Variants in RBFOX1 observed in about 807,000 individuals in gnomAD.
RBFOX1 encodes the protein RNA binding fox-1 homolog 1, also known as RNA binding protein fox-1 homolog 1.
In RBFOX1, 8 loss-of-function variants were observed where a neutral mutation model predicts 57.7. That is an observed-to-expected ratio of 0.14 (90% CI 0.08 to 0.25). RBFOX1 has a LOEUF of 0.25. Among genes scored for constraint, RBFOX1 ranks in the 10% least tolerant of loss-of-function variants. RBFOX1 has a pLI of 1.00. For synonymous variants in RBFOX1, 326 were observed against 222.4 expected (o/e 1.47, Z -4.15); for missense variants, 611 against 548.5 (o/e 1.11, Z -1.14).
chr16:6,106,295 TA>T (rs1269272794), intron 1 of RBFOX1, among the ~76,000 whole-genome samples: 2 of 81,052 alleles, frequency 2.5e-5, no homozygotes, highest in Non-Finnish European at 4.8e-5. Context: ...CCATCTCTAG[TA>T]AAAATACAAA....
At chr16:6,695,998 T>G (rs562422993) in intron 3 of RBFOX1, among the ~76,000 whole-genome samples, 108 of 152,306 alleles carry the variant, frequency 7.1e-4, no homozygotes, top group Non-Finnish European at 1.4e-3. Context: ...CACACTGATC[T>G]GATTTCTACA....
intron 1 of RBFOX1, among the ~76,000 whole-genome samples, chr16:6,185,069 C>A (rs923428916): frequency 6.6e-6 from 1 of 152,154 alleles, no homozygotes; most frequent in Non-Finnish European, 1.5e-5. Flanking sequence ...GTCTGTAGAA[C>A]AAGGAAGAGG....
intron 3 of RBFOX1, among the ~76,000 whole-genome samples, chr16:5,843,777 G>A (rs2056685130): frequency 6.6e-6 from 1 of 152,170 alleles, no homozygotes; most frequent in Non-Finnish European, 1.5e-5. Flanking sequence ...TCAGAATATA[G>A]ATGCATCCTT....
At chr16:7,552,072 G>C (rs2086720488) in intron 5 of RBFOX1, among the ~76,000 whole-genome samples, 1 of 152,108 alleles carries the variant, frequency 6.6e-6, no homozygotes, top group Non-Finnish European at 1.5e-5. Flanking sequence ...GATTTTCATT[G>C]TCACGTGTGT....
intron 4 of RBFOX1, among the ~76,000 whole-genome samples, chr16:7,406,076 G>C (rs1046019073): frequency 6.6e-6 from 1 of 152,178 alleles, no homozygotes; most frequent in Non-Finnish European, 1.5e-5. Context: ...AAGGGAAGGG[G>C]AGAAACCCCA....
chr16:5,563,395 G>A (rs914367802), intron 2 of RBFOX1, among the ~76,000 whole-genome samples: 3 of 152,158 alleles, frequency 2.0e-5, no homozygotes, highest in Admixed American at 6.5e-5. Context: ...TTTGCTGATG[G>A]TATCGTTATC....
At chr16:5,467,140 C>T (rs2068976304) in intron 1 of RBFOX1, 10 of 1,362,620 alleles carry the variant, frequency 7.3e-6, no homozygotes, top group Non-Finnish European at 9.8e-6. Flanking sequence ...AAAACAAAGC[C>T]AAAGCAATTG....
Position 7,711,622 on chromosome 16 carries a change from G to C in RBFOX1, c.*877G>C, listed in dbSNP as rs970742374. On this transcript the variant is annotated 3_prime_UTR_variant, in exon 16 of 16. Coordinates refer to ENST00000550418, the MANE Select transcript of RBFOX1 (RefSeq NM_018723.4). ...ATTTTTTTCTTTTTTTCCAAAAAAA[G>C]AAAGTAATAAAAACTTAAATTCTTT... 4 of 152,002 alleles carry C rather than the reference G, an allele frequency of 2.6e-5. No homozygotes were observed. Among genetic ancestry groups the C allele is most frequent in the Admixed American group, 2.0e-4 (3 of 15,198 alleles). 9.4% of individuals were successfully genotyped at this position (152,002 alleles called of 1,614,324 possible).
chr16:6,474,042 G>A (rs1723061716), intron 2 of RBFOX1, among the ~76,000 whole-genome samples: 1 of 152,132 alleles, frequency 6.6e-6, no homozygotes, highest in Non-Finnish European at 1.5e-5. Flanking sequence ...TAGACAATAA[G>A]CTGGTTTCCT....
rs142375965 is a variant in RBFOX1 at position 5,813,662 on chromosome 16, G to A, written c.319-53641G>A. ...TTATATAACAGGGATCCTGTATCAG[G>A]TATGTGATTTGCAAATAGTTTATCT... On this transcript the variant is annotated intron_variant, in intron 3 of 19. Transcript: ENST00000641259. Among the ~76,000 whole-genome samples the A allele has an allele frequency of 5.3e-5, 8 of 152,192 alleles. No individual in the cohort carries two copies. The South Asian group carries it at 8.3e-4, about 16-fold the overall frequency.
intron 3 of RBFOX1, among the ~76,000 whole-genome samples, chr16:6,970,021 A>T (rs1016201746): frequency 8.6e-5 from 13 of 151,416 alleles, no homozygotes; most frequent in African/African-American, 1.7e-4. Context: ...GACCCCATTT[A>T]AAAAAAATTA....
chr16:6,028,503 C>G (rs993207279), intron 1 of RBFOX1, among the ~76,000 whole-genome samples: 53 of 94,382 alleles, frequency 5.6e-4, no homozygotes, highest in African/African-American at 2.1e-3. Flanking sequence ...GAGACCCTGT[C>G]TCTGTTAAAA....
chr16:5,750,244 C>T (rs1369125697), intron 3 of RBFOX1, among the ~76,000 whole-genome samples: 2 of 152,158 alleles, frequency 1.3e-5, no homozygotes, highest in Non-Finnish European at 2.9e-5. Context: ...CTCAGAGGGG[C>T]ACCCGACTGC....
At chr16:5,901,991 C>T (rs1399991310) in intron 4 of RBFOX1, among the ~76,000 whole-genome samples, 1 of 152,174 alleles carries the variant, frequency 6.6e-6, no homozygotes, top group African/African-American at 2.4e-5. Flanking sequence ...CCTGATACTA[C>T]CTGTAACTTC....
chr16:6,583,189 C>T (rs919943616), intron 2 of RBFOX1, among the ~76,000 whole-genome samples: 19 of 152,120 alleles, frequency 1.2e-4, no homozygotes, highest in African/African-American at 4.6e-4. Flanking sequence ...GCAAAAGGCC[C>T]AGGAGTAGTT....
intron 14 of RBFOX1, among the ~76,000 whole-genome samples, chr16:7,688,713 C>A (rs770607818): frequency 8.6e-5 from 13 of 152,000 alleles, no homozygotes; most frequent in Admixed American, 3.9e-4. Flanking sequence ...GATGGTTGAT[C>A]TATAAAACCA....
chr16:7,608,726 G>A (rs2056841120), intron 10 of RBFOX1, among the ~76,000 whole-genome samples: 1 of 152,148 alleles, frequency 6.6e-6, no homozygotes, highest in Non-Finnish European at 1.5e-5. Flanking sequence ...GGAGATGATA[G>A]TAACAAACTC....
chr16:6,186,657 T>C (rs1217572330), intron 1 of RBFOX1, among the ~76,000 whole-genome samples: 3 of 151,976 alleles, frequency 2.0e-5, no homozygotes, highest in African/African-American at 7.3e-5. Context: ...TATGGGTTAG[T>C]GTGAGGAAAG....
At position 5,426,412 on chromosome 16, in the gene RBFOX1, C is replaced by A. The variant is rs564388453; in HGVS notation, c.220-40804C>A. Among the ~76,000 whole-genome samples, 11 of 152,228 alleles carry A rather than the reference C, an allele frequency of 7.2e-5. No individual in the cohort carries two copies. The South Asian group carries it at 1.5e-3, about 20-fold the overall frequency. On this transcript the variant is annotated intron_variant, in intron 1 of 2. Coordinates refer to the RBFOX1 transcript ENST00000585867. The stretch of plus-strand genomic sequence containing the variant: ...AGATAAAAGCACCAATTCCATTGAA[C>A]CTAAAAGACTAAAACCGTACCCAGC...
Sources: allele counts gnomAD v4.1 joint callset (sites outside exome capture counted in the v4.1 genomes callset), GRCh38; gene constraint gnomAD v4.1.1; transcripts MANE v1.5; gene names NCBI Gene and HGNC (gene_info 2026-07-23, HGNC 2026-07-21).